The following SOX30 variants were observed in gnomAD, a reference collection of about 807,000 sequenced individuals.
The protein encoded by SOX30 is SRY-box transcription factor 30.
SOX30 carries 17 observed loss-of-function variants against 58.6 expected under a neutral mutation model. The ratio of observed to expected loss-of-function variants is 0.29; its 90% confidence interval spans 0.20 to 0.44. The LOEUF is 0.44. SOX30 is among the 20% of genes least tolerant of loss of function. The pLI is 1.00. For synonymous variants in SOX30, 421 were observed against 400.2 expected (o/e 1.05, Z -0.62); for missense variants, 951 against 965.8 (o/e 0.98, Z 0.20).
At chr5:157,637,974 A>G (rs571994354) in intron 4 of SOX30, among the ~76,000 whole-genome samples, 59 of 152,098 alleles carry the variant, frequency 3.9e-4, no homozygotes, top group Admixed American at 5.2e-4. Flanking sequence ...AATTACAGGC[A>G]TGAGCCACTG....
chr5:157,638,157 CA>C, intron 4 of SOX30, 72 bp downstream of exon 4: 1 of 1,413,162 alleles, frequency 7.1e-7, no homozygotes, highest in South Asian at 1.5e-5. Context: ...AACAAATAAA[CA>C]AAAAAATGTT....
chr5:157,625,741 A>G lies in SOX30; in HGVS notation c.*599T>C, dbSNP rs1056580239. The G allele has an allele frequency of 3.9e-5, 6 of 152,684 alleles. No homozygotes were observed. Among genetic ancestry groups the G allele is most frequent in the African/African-American group, 1.4e-4 (6 of 41,470 alleles). 9.5% of individuals were successfully genotyped at this position (152,684 alleles called of 1,614,324 possible). A position where few individuals can be genotyped will look rare whatever the true frequency, so the allele number is the denominator to read the frequency against. ...ACGATGTATGCCAAATGGAAAAAAA[A>G]TATTTTAAAATGATAAAAATATTTA... is the stretch of plus-strand genomic sequence containing the variant. On this transcript the variant is annotated 3_prime_UTR_variant, in exon 5 of 5. Coordinates refer to ENST00000265007, the MANE Select transcript of SOX30 (RefSeq NM_178424.2).
At chr5:157,631,049 A>ATATATATATATACAATATATATAT (rs1561578480) in intron 4 of SOX30, among the ~76,000 whole-genome samples, 1 of 39,016 alleles carries the variant, frequency 2.6e-5, no homozygotes, top group African/African-American at 8.7e-5. Context: ...TATATATTTT[A>ATATATATATATACAATATATATAT]TATATATATA....
At chr5:157,631,053 A>ATATATATATATACAATATATATATTT (rs1561578502) in intron 4 of SOX30, among the ~76,000 whole-genome samples, 5 of 45,808 alleles carry the variant, frequency 1.1e-4, no homozygotes, top group African/African-American at 2.1e-4. Flanking sequence ...TATTTTATAT[A>ATATATATATATACAATATATATATTT]TATATATATA....
In SOX30 at chr5:157,667,905, G is replaced by A. The variant is rs1759702081; in HGVS notation, c.-3-53C>T. The A allele has an allele frequency of 5.3e-6, 8 of 1,512,304 alleles. No individual in the cohort carries two copies. The East Asian group carries it at 1.5e-4, about 28-fold the overall frequency. The allele number at this position is 1,512,304 out of a possible 1,614,324, so 93.7% of individuals were successfully genotyped here. The stretch of plus-strand genomic sequence containing the variant: ...TTACTGAGCACCTATGACCTGCAAG[G>A]CATTTTATATCTTACCTCATTCATT... On this transcript the variant is annotated intron_variant, in intron 1 of 5. Transcript: ENST00000519442.
chr5:157,626,937 T>C (rs1319516261), intron 4 of SOX30, among the ~76,000 whole-genome samples: 1 of 152,220 alleles, frequency 6.6e-6, no homozygotes, highest in South Asian at 2.1e-4. Flanking sequence ...AGCACTATTA[T>C]CTATCGTTAG....
upstream of SOX30, among the ~76,000 whole-genome samples, chr5:157,655,114 A>C (rs1303316292): frequency 6.6e-6 from 1 of 151,956 alleles, no homozygotes; most frequent in Non-Finnish European, 1.5e-5. Flanking sequence ...CCCAGGTGGG[A>C]TTATAGTGTG....
rs760163233 is a variant in SOX30 at position 157,651,719 on chromosome 5, G to A, written c.360C>T (p.Thr120=). The A allele has an allele frequency of 2.7e-5, 42 of 1,576,718 alleles. No individual in the cohort carries two copies. The highest frequency in any genetic ancestry group is 6.9e-5 in the South Asian group (6 of 87,562). Residue 120 remains threonine (T), a synonymous_variant, in exon 1 of 5, where the codon ACC becomes ACT. Transcript: ENST00000265007. ...GCACCGGGTGCAACTCGGGCCTGGA[G>A]GTGGCGCCGTCTGACGCTGTCGGCG... The part of the protein sequence containing the change: ...LQPPTASDGA[T]SRPELHPVQP...
At chr5:157,644,058 G>A (rs1759133445) in intron 3 of SOX30, among the ~76,000 whole-genome samples, 1 of 152,116 alleles carries the variant, frequency 6.6e-6, no homozygotes, top group Non-Finnish European at 1.5e-5. Context: ...CAAAATAGCA[G>A]ATAAATTTCA....
Position 157,652,338 on chromosome 5 carries a change from A to AGGC in SOX30, c.-261_-260insGCC. The AGGC allele has an allele frequency of 1.7e-6, 2 of 1,205,350 alleles. No homozygotes were observed. The highest frequency in any genetic ancestry group is 2.1e-6 in the Non-Finnish European group (2 of 971,954). The allele number at this position is 1,205,350 out of a possible 1,614,324, so 74.7% of individuals were successfully genotyped here. ...TCCTCGAATCACCTGCCATGGTAGG[A>AGGC]GCCGCCGCACTTGTTGCACATTTTC... On this transcript the variant is annotated 5_prime_UTR_variant, in exon 1 of 5. Coordinates refer to ENST00000265007, the MANE Select transcript of SOX30 (RefSeq NM_178424.2).
At position 157,652,100 on chromosome 5, in the gene SOX30, C is replaced by G; in HGVS notation, c.-22G>C. ...CCATGGGGGAGGGGGACGCCCCGGCCAGGATTGTGAGCTCAGCCGTTTGTT... is the reference window on the plus strand; with the variant it reads ...CCATGGGGGAGGGGGACGCCCCGGCGAGGATTGTGAGCTCAGCCGTTTGTT... On this transcript the variant is annotated 5_prime_UTR_variant, in exon 1 of 5. Transcript: ENST00000265007. 1 of 1,393,894 alleles carries G rather than the reference C, an allele frequency of 7.2e-7. No individual in the cohort carries two copies. Among genetic ancestry groups the G allele is most frequent in the Non-Finnish European group, 9.2e-7 (1 of 1,081,622 alleles). The allele number at this position is 1,393,894 out of a possible 1,614,324, so 86.3% of individuals were successfully genotyped here. A position where few individuals can be genotyped will look rare whatever the true frequency, so the allele number is the denominator to read the frequency against.
intron 4 of SOX30, among the ~76,000 whole-genome samples, chr5:157,629,004 T>C (rs1213602999): frequency 6.6e-6 from 1 of 152,146 alleles, no homozygotes; most frequent in Non-Finnish European, 1.5e-5. Flanking sequence ...ATCCATTGAA[T>C]TCCACAGATA....
upstream of SOX30, among the ~76,000 whole-genome samples, chr5:157,653,669 G>C (rs1377614832): frequency 6.6e-6 from 1 of 151,992 alleles, no homozygotes; most frequent in Non-Finnish European, 1.5e-5. Flanking sequence ...ATTTCTAAAT[G>C]ACATTCTGGC....
chr5:157,651,057 G>T, intron 1 of SOX30, 55 bp downstream of exon 1: 1 of 1,328,042 alleles, frequency 7.5e-7, no homozygotes, highest in Non-Finnish European at 1.0e-6. Context: ...TGACAAAACA[G>T]CTATGGGCAA....
intron 2 of SOX30, among the ~76,000 whole-genome samples, chr5:157,663,833 T>G (rs1281945516): frequency 6.6e-6 from 1 of 152,102 alleles, no homozygotes; most frequent in Non-Finnish European, 1.5e-5. Context: ...AAATCATGAG[T>G]GAACTCCCAT....
chr5:157,668,816 GC>G (rs1397452414), intron 1 of SOX30, among the ~76,000 whole-genome samples: 1 of 152,048 alleles, frequency 6.6e-6, no homozygotes, highest in Non-Finnish European at 1.5e-5. Flanking sequence ...TGTGCAGATC[GC>G]CCCTCCTATT....
intron 2 of SOX30, among the ~76,000 whole-genome samples, chr5:157,647,756 TCAC>T (rs1759231162): frequency 6.6e-6 from 1 of 151,828 alleles, no homozygotes; most frequent in African/African-American, 2.4e-5. Flanking sequence ...AGATGGGGTT[TCAC>T]TGTGTTAGCC....
intron 1 of SOX30, among the ~76,000 whole-genome samples, chr5:157,649,337 A>G (rs1203249986): frequency 1.3e-5 from 2 of 152,170 alleles, no homozygotes; most frequent in African/African-American, 2.4e-5. Context: ...ATTCACAGGA[A>G]CTCATCTACA....
chr5:157,635,862 T>C (rs1758915124), intron 4 of SOX30, among the ~76,000 whole-genome samples: 1 of 152,222 alleles, frequency 6.6e-6, no homozygotes, highest in African/African-American at 2.4e-5. Flanking sequence ...TATGATTCTC[T>C]GCTAGCAACT....
Sources: allele counts gnomAD v4.1 joint callset (sites outside exome capture counted in the v4.1 genomes callset), GRCh38; gene constraint gnomAD v4.1.1; transcripts MANE v1.5; gene names NCBI Gene and HGNC (gene_info 2026-07-23, HGNC 2026-07-21).